DOCK3: variants seen among roughly 807,000 people sequenced by gnomAD.
DOCK3 encodes dedicator of cytokinesis protein 3.
A neutral mutation model predicts 265.6 loss-of-function variants in DOCK3; 60 were observed. That is an observed-to-expected ratio of 0.23 (90% confidence interval 0.18 to 0.28). The LOEUF (loss-of-function observed/expected upper bound fraction) is 0.28, where lower values mean the gene tolerates loss of function less well. Among genes scored for constraint, DOCK3 ranks in the 10% least tolerant of loss-of-function variants. The pLI, the probability that DOCK3 is intolerant of heterozygous loss-of-function variation, is 1.00. For synonymous variants in DOCK3, 881 were observed against 938.0 expected, an observed-to-expected ratio of 0.94 and a Z score of 1.11; for missense variants, 1,981 against 2,594.3, an observed-to-expected ratio of 0.76 and a Z score of 5.14.
At chr3:50,875,061 G>A (rs546226039) in intron 3 of DOCK3, among the ~76,000 whole-genome samples, 1 of 152,252 alleles carries the variant, frequency 6.6e-6, no homozygotes, top group African/African-American at 2.4e-5. Context: ...AGTTGTGGGG[G>A]AGGGGTGGGA....
chr3:50,911,399 T>C (rs1289887421), intron 4 of DOCK3, among the ~76,000 whole-genome samples: 2 of 152,118 alleles, frequency 1.3e-5, no homozygotes, highest in Non-Finnish European at 2.9e-5. Context: ...CCTAGCACCA[T>C]TGATTGAATA....
intron 5 of DOCK3, among the ~76,000 whole-genome samples, chr3:50,944,383 C>A (rs1461328931): frequency 6.6e-6 from 1 of 152,194 alleles, no homozygotes; most frequent in African/African-American, 2.4e-5. Context: ...CTTGTTCCCT[C>A]TTCTCAATAC....
intron 37 of DOCK3, among the ~76,000 whole-genome samples, chr3:51,339,866 C>T (rs1290681757): frequency 6.6e-6 from 1 of 152,182 alleles, no homozygotes; most frequent in Non-Finnish European, 1.5e-5. Context: ...TCTGCAAACG[C>T]TACTGCAATT....
At chr3:51,325,218 GAAA>G (rs1197832003) in intron 32 of DOCK3, among the ~76,000 whole-genome samples, 1 of 144,496 alleles carries the variant, frequency 6.9e-6, no homozygotes, top group Non-Finnish European at 1.5e-5. Context: ...AAATTTACAA[GAAA>G]AAAAAAACCC....
chr3:51,240,889 C>T (rs1200780189), intron 21 of DOCK3, among the ~76,000 whole-genome samples: 1 of 152,118 alleles, frequency 6.6e-6, no homozygotes, highest in Non-Finnish European at 1.5e-5. Context: ...ATCCAGCTTG[C>T]CACTCTATGC....
chr3:50,713,986 A>G (rs1239031454), intron 1 of DOCK3, among the ~76,000 whole-genome samples: 1 of 151,792 alleles, frequency 6.6e-6, no homozygotes, highest in Non-Finnish European at 1.5e-5. Context: ...ATTTTTATTT[A>G]TTTATTTTTT....
intron 1 of DOCK3, among the ~76,000 whole-genome samples, chr3:50,703,565 A>G (rs1057106413): frequency 3.3e-5 from 5 of 151,414 alleles, no homozygotes; most frequent in African/African-American, 9.7e-5. Flanking sequence ...GGTGGGTTTT[A>G]TGTGTCCAAG....
At chr3:50,950,458 C>T (rs1168288099) in intron 5 of DOCK3, among the ~76,000 whole-genome samples, 1 of 152,168 alleles carries the variant, frequency 6.6e-6, no homozygotes, top group Non-Finnish European at 1.5e-5. Flanking sequence ...CCTGGAAACA[C>T]ATTAAAATTT....
intron 3 of DOCK3, among the ~76,000 whole-genome samples, chr3:50,853,490 T>G (rs1178633192): frequency 6.6e-6 from 1 of 152,200 alleles, no homozygotes; most frequent in Non-Finnish European, 1.5e-5. Context: ...GAGTCCCCAT[T>G]GTCCACTGTT....
At chr3:51,108,541 T>A (rs2083385310) in intron 9 of DOCK3, among the ~76,000 whole-genome samples, 1 of 152,186 alleles carries the variant, frequency 6.6e-6, no homozygotes, top group South Asian at 2.1e-4. Flanking sequence ...CATTCACTAC[T>A]AACCTTGGAT....
At chr3:50,815,480 T>C (rs2106827161) in intron 2 of DOCK3, among the ~76,000 whole-genome samples, 1 of 152,344 alleles carries the variant, frequency 6.6e-6, no homozygotes, top group South Asian at 2.1e-4. Context: ...AATCATGAAA[T>C]TGACCTTCGT....
At chr3:50,889,592 C>T (rs975483394) in intron 3 of DOCK3, among the ~76,000 whole-genome samples, 2 of 151,702 alleles carry the variant, frequency 1.3e-5, no homozygotes, top group Admixed American at 6.6e-5. Flanking sequence ...TTGATTCACT[C>T]CTGTGAATAT....
At chr3:51,212,763 A>G (rs1347986185) in intron 13 of DOCK3, among the ~76,000 whole-genome samples, 2 of 152,150 alleles carry the variant, frequency 1.3e-5, no homozygotes, top group Non-Finnish European at 2.9e-5. Context: ...TTGAAATCTT[A>G]AACACTGATT....
At chr3:50,926,778 A>T (rs2050781166) in intron 4 of DOCK3, among the ~76,000 whole-genome samples, 1 of 152,198 alleles carries the variant, frequency 6.6e-6, no homozygotes. Flanking sequence ...AGTGTCCTAA[A>T]TTGTCACATT....
chr3:51,140,270 C>G (rs2084989407), intron 9 of DOCK3, among the ~76,000 whole-genome samples: 1 of 152,108 alleles, frequency 6.6e-6, no homozygotes, highest in East Asian at 1.9e-4. Flanking sequence ...CTCCAGACCC[C>G]CAGCCCTAGG....
chr3:50,816,565 C>A (rs923695007), intron 2 of DOCK3, among the ~76,000 whole-genome samples: 1 of 152,054 alleles, frequency 6.6e-6, no homozygotes, highest in Non-Finnish European at 1.5e-5. Context: ...AGGTGATCTG[C>A]CCGCCTTGGC....
chr3:50,681,818 T>C (rs1430866769), intron 1 of DOCK3, among the ~76,000 whole-genome samples: 2 of 152,230 alleles, frequency 1.3e-5, no homozygotes, highest in Non-Finnish European at 2.9e-5. Context: ...TGCTAATAAG[T>C]GAGAACCAAC....
At chr3:51,016,574 T>TA (rs1415994269) in intron 5 of DOCK3, among the ~76,000 whole-genome samples, 3 of 91,566 alleles carry the variant, frequency 3.3e-5, no homozygotes, top group African/African-American at 1.4e-4. Flanking sequence ...TATATATATA[T>TA]TTATATATAT....
At chr3:50,890,536 T>G (rs1025063190) in intron 4 of DOCK3, among the ~76,000 whole-genome samples, 4 of 152,096 alleles carry the variant, frequency 2.6e-5, no homozygotes, top group African/African-American at 9.7e-5. Flanking sequence ...CAAAGCAATC[T>G]GCCTAAAAAG....
Sources: allele counts gnomAD v4.1 joint callset (sites outside exome capture counted in the v4.1 genomes callset), GRCh38; gene constraint gnomAD v4.1.1; transcripts MANE v1.5; gene names NCBI Gene and HGNC (gene_info 2026-07-23, HGNC 2026-07-21).